HIVEP2: variants seen among roughly 807,000 people sequenced by gnomAD.
HIVEP2 encodes transcription factor HIVEP2.
HIVEP2 carries 14 observed loss-of-function variants against 180.7 expected under a neutral mutation model. That is an observed-to-expected ratio of 0.08 (90% CI 0.05 to 0.12). HIVEP2 has a LOEUF of 0.12. HIVEP2 is among the 10% of genes least tolerant of loss of function. The pLI is 1.00. For missense variants in HIVEP2, 2,579 were observed against 3,008.5 expected (o/e 0.86, Z 3.34); for synonymous variants, 1,184 against 1,136.4 (o/e 1.04, Z -0.84).
Position 142,824,803 on chromosome 6 carries a change from G to A in HIVEP2, c.-528+12132C>T, listed in dbSNP as rs183886939. Among the ~76,000 whole-genome samples the A allele has an allele frequency of 1.1e-3, 171 of 152,270 alleles. 2 individuals carry two copies. The highest frequency in any genetic ancestry group is 4.1e-3 in the African/African-American group (169 of 41,534). On this transcript the variant is annotated intron_variant, in intron 2 of 9. Coordinates refer to ENST00000367603, the MANE Select transcript of HIVEP2 (RefSeq NM_006734.4). ...GCTACAAAACCATAGCTGAATACCA[G>A]TGAGTGATAACACATCTTAGGGGTG... is the stretch of plus-strand genomic sequence containing the variant.
intron 1 of HIVEP2, among the ~76,000 whole-genome samples, chr6:142,888,884 C>T (rs1704052392): frequency 6.6e-6 from 1 of 152,174 alleles, no homozygotes; most frequent in African/African-American, 2.4e-5. Context: ...CCCTCTTCTC[C>T]CAAACTATGC....
intron 1 of HIVEP2, among the ~76,000 whole-genome samples, chr6:142,849,293 T>C (rs1258988458): frequency 6.6e-6 from 1 of 152,098 alleles, no homozygotes; most frequent in Non-Finnish European, 1.5e-5. Flanking sequence ...TCTTCAGTAA[T>C]CAGTAGACAT....
chr6:142,770,815 C>G lies in HIVEP2; in HGVS notation c.3924G>C (p.Thr1308=), dbSNP rs1325938432. 3.1e-6 allele frequency: 5 copies of G among 1,614,062 alleles called. No homozygotes were observed. The African/African-American group carries it at 6.7e-5, about 22-fold the overall frequency. The change falls in exon 5 of 10, where the codon ACG becomes ACC. Residue 1308 remains threonine, a synonymous_variant. Coordinates refer to ENST00000367603, the MANE Select transcript of HIVEP2 (RefSeq NM_006734.4). The surrounding 1 kb of genome is among the most constrained non-coding windows in gnomAD (Gnocchi z 4.7). ...PSDQSSKSTE[T]PSEQVLQEDF... Reference sequence around the variant, plus strand: ...CTTCTTGAAGAACCTGCTCAGAGGGCGTTTCAGTTGACTTACTGCTCTGGT... The same window carrying G: ...CTTCTTGAAGAACCTGCTCAGAGGGGGTTTCAGTTGACTTACTGCTCTGGT...
At chr6:142,786,734 T>C (rs1269037293) in intron 2 of HIVEP2, among the ~76,000 whole-genome samples, 2 of 152,192 alleles carry the variant, frequency 1.3e-5, no homozygotes, top group Non-Finnish European at 2.9e-5. Context: ...CCATTGTTAG[T>C]GGGGTTGTCT....
At chr6:142,873,147 C>A (rs192490858) in intron 1 of HIVEP2, among the ~76,000 whole-genome samples, 1 of 152,312 alleles carries the variant, frequency 6.6e-6, no homozygotes, top group East Asian at 1.9e-4. Flanking sequence ...AAACATAGAA[C>A]AGACTCACCT....
At chr6:142,834,503 T>C (rs915727701) in intron 2 of HIVEP2, among the ~76,000 whole-genome samples, 2 of 152,158 alleles carry the variant, frequency 1.3e-5, no homozygotes, top group African/African-American at 4.8e-5. Context: ...TAAATAAATA[T>C]ATCCAATGTA....
intron 1 of HIVEP2, among the ~76,000 whole-genome samples, chr6:142,878,416 T>C (rs993629318): frequency 6.6e-6 from 1 of 152,200 alleles, no homozygotes; most frequent in Non-Finnish European, 1.5e-5. Context: ...TGAGAATACA[T>C]TTTGAAACAA....
At position 142,753,947 on chromosome 6, in the gene HIVEP2, AAG is replaced by A; in HGVS notation, c.6517-18_6517-17del. ...TTCTTAAATTCTGCGCAGAGAAACA[AAG>A]AGAGCACAAAATTCAGAGCCTGCTA... On this transcript the variant is annotated splice_polypyrimidine_tract_variant and intron_variant, in intron 9 of 9. Coordinates refer to ENST00000367603, the MANE Select transcript of HIVEP2 (RefSeq NM_006734.4). The A allele has an allele frequency of 1.4e-6, 2 of 1,386,998 alleles. No homozygotes were observed. Among genetic ancestry groups the A allele is most frequent in the South Asian group, 2.5e-5 (2 of 79,718 alleles). 85.9% of individuals were successfully genotyped at this position (1,386,998 alleles called of 1,614,324 possible).
chr6:142,852,435 A>C (rs1033149593), intron 1 of HIVEP2, among the ~76,000 whole-genome samples: 3 of 152,308 alleles, frequency 2.0e-5, no homozygotes. Flanking sequence ...AAGGTCAGAC[A>C]CTGAAAATAG....
At chr6:142,853,673 G>A (rs1775748508) in intron 1 of HIVEP2, among the ~76,000 whole-genome samples, 1 of 152,092 alleles carries the variant, frequency 6.6e-6, no homozygotes, top group African/African-American at 2.4e-5. Flanking sequence ...TTTCCTACAA[G>A]GACCGTAAAA....
chr6:142,843,349 C>T (rs1775420893), intron 1 of HIVEP2, among the ~76,000 whole-genome samples: 2 of 151,992 alleles, frequency 1.3e-5, no homozygotes, highest in South Asian at 4.2e-4. Context: ...GGTGACTGAG[C>T]TAATACAGAA....
chr6:142,881,379 G>A (rs1434835179), intron 1 of HIVEP2, among the ~76,000 whole-genome samples: 1 of 152,122 alleles, frequency 6.6e-6, no homozygotes, highest in East Asian at 1.9e-4. Context: ...AATTTTTTAA[G>A]ACTAATTCTG....
chr6:142,902,519 C>A (rs1311232408), intron 1 of HIVEP2, among the ~76,000 whole-genome samples: 1 of 152,210 alleles, frequency 6.6e-6, no homozygotes, highest in East Asian at 1.9e-4. Context: ...AAACAGTTAA[C>A]AACCACTCAA....
intron 7 of HIVEP2, among the ~76,000 whole-genome samples, chr6:142,763,409 G>A (rs761697733): frequency 2.0e-5 from 3 of 152,190 alleles, no homozygotes; most frequent in Admixed American, 6.5e-5. Flanking sequence ...TTCCCAGGAT[G>A]TTTTGCTCAT....
chr6:142,791,133 C>A (rs540515345), intron 2 of HIVEP2, among the ~76,000 whole-genome samples: 9 of 152,038 alleles, frequency 5.9e-5, no homozygotes, highest in African/African-American at 1.2e-4. Context: ...AGATATACAA[C>A]CTCAGGAAAC....
chr6:142,842,189 T>C (rs1270185149), intron 1 of HIVEP2, among the ~76,000 whole-genome samples: 1 of 152,198 alleles, frequency 6.6e-6, no homozygotes, highest in East Asian at 1.9e-4. Flanking sequence ...CCATTGTCTC[T>C]TATTTCTGCT....
intron 1 of HIVEP2, among the ~76,000 whole-genome samples, chr6:142,875,199 G>C (rs1449890880): frequency 6.6e-6 from 1 of 152,164 alleles, no homozygotes; most frequent in Non-Finnish European, 1.5e-5. Flanking sequence ...CAATGACAAG[G>C]AGCCATGCAG....
intron 2 of HIVEP2, among the ~76,000 whole-genome samples, chr6:142,833,892 C>T (rs1202440982): frequency 2.0e-5 from 3 of 152,124 alleles, no homozygotes; most frequent in East Asian, 1.9e-4. Flanking sequence ...TACTGATAGC[C>T]TCTTCTGTTA....
chr6:142,893,574 C>T (rs374344680), intron 1 of HIVEP2, among the ~76,000 whole-genome samples: 1 of 152,302 alleles, frequency 6.6e-6, no homozygotes, highest in African/African-American at 2.4e-5. Flanking sequence ...CAAATTACAA[C>T]TAGCAAGTGA....
Sources: gnomAD v4.1 joint callset for allele counts (sites outside exome capture counted in the v4.1 genomes callset) on GRCh38, gnomAD v4.1.1 for gene constraint, Gnocchi (gnomAD v3.1) non-coding constraint, MANE v1.5 for transcripts, NCBI Gene and HGNC (gene_info 2026-07-23, HGNC 2026-07-21) for gene names.